The following MYH15 variants were observed in gnomAD, a reference collection of about 807,000 sequenced individuals.
MYH15 encodes myosin-15.
Under a neutral mutation model 240.5 loss-of-function variants are expected in MYH15, and 227 were observed. The observed-to-expected ratio is 0.94, with a 90% CI of 0.85 to 1.05. The LOEUF (loss-of-function observed/expected upper bound fraction) is 1.05, where lower values mean the gene tolerates loss of function less well. Among genes scored for constraint, MYH15 ranks in the 50% least tolerant of loss-of-function variants. The pLI, the probability that MYH15 is intolerant of heterozygous loss-of-function variation, is 0.00. For synonymous variants in MYH15, 785 were observed against 796.7 expected (o/e 0.99, Z 0.25); for missense variants, 2,217 against 2,247.5 (o/e 0.99, Z 0.27).
chr3:108,503,001 C>T lies in MYH15; in HGVS notation c.196-1146G>A, dbSNP rs112974451. Among the ~76,000 whole-genome samples the T allele has an allele frequency of 9.2e-5, 14 of 152,098 alleles. 2 individuals are homozygous for T. Among genetic ancestry groups the T allele is most frequent in the African/African-American group, 3.1e-4 (13 of 41,480 alleles). On this transcript the variant is annotated intron_variant, in intron 2 of 40. Transcript: ENST00000693548. ...ACTTTCATCAATAAGTAGTACTTTA[C>T]ACCCACTAGATTTATTGCCTTTGCT...
rs536556373 is a variant in MYH15 at position 108,410,499 on chromosome 3, A to G, written c.4495+84T>C. 7 of 948,796 alleles carry G rather than the reference A, an allele frequency of 7.4e-6. No homozygotes were observed. In the South Asian group the frequency reaches 1.8e-4, roughly 24 times the overall value. 58.8% of individuals were successfully genotyped at this position (948,796 alleles called of 1,614,324 possible). On this transcript the variant is annotated intron_variant, in intron 31 of 40. Transcript: ENST00000693548. Reference sequence around the variant, plus strand: ...AGTTAAAACATGTTGGGAATGTGAAAATGCTGAAGACAGCCTTGCCTGTAG... The same window carrying G: ...AGTTAAAACATGTTGGGAATGTGAAGATGCTGAAGACAGCCTTGCCTGTAG...
chr3:108,410,965 G>C (rs984496689), intron 30 of MYH15, 33 bp from the exon 31 acceptor site: 2 of 1,517,776 alleles, frequency 1.3e-6, no homozygotes, highest in Non-Finnish European at 1.8e-6. Context: ...GAGTGAGTGA[G>C]GCAATAACTC....
chr3:108,540,676 T>C, the MYH15 span, among the ~76,000 whole-genome samples: 1 of 152,182 alleles, frequency 6.6e-6, no homozygotes, highest in South Asian at 2.1e-4. Context: ...AAAACACGTA[T>C]ATCTTAATCC....
intron 11 of MYH15, among the ~76,000 whole-genome samples, chr3:108,484,226 A>G (rs1293527953): frequency 2.0e-5 from 3 of 152,180 alleles, no homozygotes; most frequent in African/African-American, 7.2e-5. Context: ...TCTTCTTTTC[A>G]TAATTGTGGG....
At chr3:108,484,447 T>C (rs2083290325) in intron 11 of MYH15, among the ~76,000 whole-genome samples, 1 of 152,184 alleles carries the variant, frequency 6.6e-6, no homozygotes, top group South Asian at 2.1e-4. Context: ...TAATACATTT[T>C]ATCATAATTT....
At chr3:108,521,830 G>T (rs2083620193) in intron 1 of MYH15, among the ~76,000 whole-genome samples, 1 of 152,136 alleles carries the variant, frequency 6.6e-6, no homozygotes, top group Non-Finnish European at 1.5e-5. Context: ...ACAGGAAATG[G>T]ACATTAAAGT....
chr3:108,467,583 C>T (rs1395880183), intron 14 of MYH15, among the ~76,000 whole-genome samples: 1 of 152,070 alleles, frequency 6.6e-6, no homozygotes, highest in Non-Finnish European at 1.5e-5. Context: ...CTATCCTAAT[C>T]CCAATATCGT....
intron 16 of MYH15, among the ~76,000 whole-genome samples, chr3:108,462,271 G>A (rs2083078655): frequency 6.6e-6 from 1 of 152,084 alleles, no homozygotes; most frequent in Admixed American, 6.5e-5. Flanking sequence ...TGGTGCAGAA[G>A]TTTTCACTGC....
intron 2 of MYH15, among the ~76,000 whole-genome samples, chr3:108,505,298 A>C (rs1349439940): frequency 6.6e-6 from 1 of 152,018 alleles, no homozygotes; most frequent in Admixed American, 6.6e-5. Context: ...TGGTGACAGG[A>C]TCTCACTCTG....
At chr3:108,508,644 A>G (rs965638616) in intron 1 of MYH15, among the ~76,000 whole-genome samples, 1 of 152,230 alleles carries the variant, frequency 6.6e-6, no homozygotes, top group Admixed American at 6.5e-5. Flanking sequence ...CCCATAATCA[A>G]ACAACTCAGA....
At position 108,441,113 on chromosome 3, in the gene MYH15, GTT is replaced by G; in HGVS notation, c.2801_2802del (p.Lys934ThrfsTer4). Reference protein sequence around the residue: ...INSELTARGRKLEDECFELKK... With the variant: ...INSELTARGRXLEDECFELKK... The stretch of plus-strand genomic sequence containing the variant: ...TTCAACTCAAAACATTCATCTTCGA[GTT>G]TCCGCCCCCTGGCAGTCAGCTCAGA... On this transcript the variant is annotated frameshift_variant, in exon 23 of 41. Transcript: ENST00000693548. LOFTEE classifies it high-confidence loss of function. 1 of 1,614,124 alleles carries G rather than the reference GTT, an allele frequency of 6.2e-7. No homozygotes were observed. The highest frequency in any genetic ancestry group is 1.1e-5 in the South Asian group (1 of 91,080).
chr3:108,545,164 T>C, the MYH15 span, among the ~76,000 whole-genome samples: 2 of 152,144 alleles, frequency 1.3e-5, no homozygotes, highest in African/African-American at 2.4e-5. Context: ...CTGCTTATAA[T>C]TGATATCTAA....
upstream of MYH15, among the ~76,000 whole-genome samples, chr3:108,512,372 A>G (rs1420932698): frequency 6.6e-6 from 1 of 152,180 alleles, no homozygotes; most frequent in Non-Finnish European, 1.5e-5. Flanking sequence ...CTGGTGGCAT[A>G]TTCTGGGTAG....
At chr3:108,539,929 G>C in the MYH15 span, among the ~76,000 whole-genome samples, 2 of 152,082 alleles carry the variant, frequency 1.3e-5, no homozygotes, top group Admixed American at 1.3e-4. Context: ...TAAAAAGTAA[G>C]TTAAATACTC....
the MYH15 span, chr3:108,550,400 T>C: frequency 3.3e-5 from 5 of 151,614 alleles, no homozygotes; most frequent in South Asian, 4.2e-4. Flanking sequence ...TAATTAATTA[T>C]AGATGATCTG....
chr3:108,538,877 G>T, the MYH15 span, among the ~76,000 whole-genome samples: 1 of 152,118 alleles, frequency 6.6e-6, no homozygotes, highest in Non-Finnish European at 1.5e-5. Flanking sequence ...TCCCGTGAGG[G>T]TCTTCTTGCT....
At chr3:108,496,687 T>C (rs2083393235) in intron 6 of MYH15, among the ~76,000 whole-genome samples, 1 of 151,814 alleles carries the variant, frequency 6.6e-6, no homozygotes, top group Non-Finnish European at 1.5e-5. Flanking sequence ...TTCAAATAAG[T>C]TAGAGAACAT....
At chr3:108,518,365 C>A (rs922698708) in intron 1 of MYH15, among the ~76,000 whole-genome samples, 4 of 152,136 alleles carry the variant, frequency 2.6e-5, no homozygotes, top group African/African-American at 9.7e-5. Flanking sequence ...AAACCATCTC[C>A]ATCTTTCCAT....
At chr3:108,493,041 G>GGAAGGAAA (rs2107599919) in intron 8 of MYH15, 73 bp downstream of exon 8, 1 of 1,207,396 alleles carries the variant, frequency 8.3e-7, no homozygotes, top group Non-Finnish European at 1.2e-6. Flanking sequence ...AAGGAAGGAA[G>GGAAGGAAA]GAAGGAAAGA....
Sources: allele counts gnomAD v4.1 joint callset (sites outside exome capture counted in the v4.1 genomes callset), GRCh38; gene constraint gnomAD v4.1.1; transcripts MANE v1.5; gene names NCBI Gene and HGNC (gene_info 2026-07-23, HGNC 2026-07-21).